Variants in SOX5 observed in about 807,000 individuals in gnomAD.
The protein encoded by SOX5 is SRY-box transcription factor 5, also known as transcription factor SOX-5.
Under a neutral mutation model 92.0 loss-of-function variants are expected in SOX5, and 9 were observed. The observed-to-expected ratio is 0.10, with a 90% CI of 0.06 to 0.17. The LOEUF (loss-of-function observed/expected upper bound fraction) is 0.17, where lower values mean the gene tolerates loss of function less well. SOX5 is among the 10% of genes least tolerant of loss of function. The pLI is 1.00. For synonymous variants in SOX5, 344 were observed against 336.3 expected, an observed-to-expected ratio of 1.02 and a Z score of -0.25; for missense variants, 642 against 944.5, an observed-to-expected ratio of 0.68 and a Z score of 4.20.
chr12:24,365,658 T>G (rs971597983), intron 2 of SOX5, among the ~76,000 whole-genome samples: 5 of 112,568 alleles, frequency 4.4e-5, no homozygotes, highest in African/African-American at 1.4e-4. Flanking sequence ...TGATTTTCTT[T>G]ACAAATTAAT....
intron 1 of SOX5, among the ~76,000 whole-genome samples, chr12:24,541,921 G>A (rs969915619): frequency 9.2e-5 from 14 of 152,240 alleles, no homozygotes; most frequent in African/African-American, 2.9e-4. Context: ...AGCAGGCCAC[G>A]AAAAACAGTA....
At chr12:24,224,131 A>C (rs1961274417) in intron 3 of SOX5, among the ~76,000 whole-genome samples, 1 of 152,202 alleles carries the variant, frequency 6.6e-6, no homozygotes, top group Non-Finnish European at 1.5e-5. Context: ...AGCCAGCAGT[A>C]CTATTAGATT....
At chr12:24,008,284 T>C (rs1012615427) in intron 4 of SOX5, among the ~76,000 whole-genome samples, 1 of 152,170 alleles carries the variant, frequency 6.6e-6, no homozygotes, top group Admixed American at 6.6e-5. Flanking sequence ...TAGTATCAAT[T>C]ATTATCACTG....
intron 4 of SOX5, among the ~76,000 whole-genome samples, chr12:24,025,646 T>G (rs1331025846): frequency 6.6e-6 from 1 of 151,922 alleles, no homozygotes; most frequent in East Asian, 1.9e-4. Context: ...AGTAAAACAT[T>G]TACCTCAAAT....
intron 6 of SOX5, among the ~76,000 whole-genome samples, chr12:23,709,507 T>A (rs756276693): frequency 2.6e-5 from 4 of 152,142 alleles, no homozygotes; most frequent in Non-Finnish European, 4.4e-5. Context: ...CAAAGGGCAA[T>A]ATTCTCACAA....
intron 1 of SOX5, among the ~76,000 whole-genome samples, chr12:24,514,696 A>G (rs551603575): frequency 6.6e-6 from 1 of 152,340 alleles, no homozygotes; most frequent in South Asian, 2.1e-4. Context: ...AATGTGGTAC[A>G]TATACACCTT....
Position 24,428,143 on chromosome 12 carries a change from T to C in SOX5, c.-250-59504A>G, listed in dbSNP as rs12301407. Among the ~76,000 whole-genome samples, 701 of 151,474 alleles carry C rather than the reference T, an allele frequency of 4.6e-3. 5 individuals carry two copies. The highest frequency in any genetic ancestry group is 0.016 in the African/African-American group (673 of 41,232). Reference sequence around the variant, plus strand: ...TTATTGTAAGTCTCCATATTCTACATCTTAACACAAATTCACTGTTAACTT... The same window carrying C: ...TTATTGTAAGTCTCCATATTCTACACCTTAACACAAATTCACTGTTAACTT... On this transcript the variant is annotated intron_variant, in intron 1 of 4. Transcript: ENST00000446891.
At chr12:24,373,852 C>G (rs769743300) in intron 1 of SOX5, among the ~76,000 whole-genome samples, 1 of 152,168 alleles carries the variant, frequency 6.6e-6, no homozygotes, top group Non-Finnish European at 1.5e-5. Flanking sequence ...CTTGCTGTCC[C>G]TAGATTAATG....
chr12:23,608,960 T>A (rs144927397), intron 8 of SOX5, among the ~76,000 whole-genome samples: 131 of 152,244 alleles, frequency 8.6e-4, no homozygotes, highest in African/African-American at 3.0e-3. Context: ...CAGAAAACAA[T>A]GAGACTATAA....
At chr12:24,249,885 C>CT (rs919197069) in intron 3 of SOX5, among the ~76,000 whole-genome samples, 10 of 152,026 alleles carry the variant, frequency 6.6e-5, no homozygotes, top group African/African-American at 2.2e-4. Context: ...GGCACTAGTG[C>CT]TTTTTTTTCC....
At chr12:24,002,751 G>C (rs1298816065) in intron 4 of SOX5, among the ~76,000 whole-genome samples, 1 of 152,020 alleles carries the variant, frequency 6.6e-6, no homozygotes, top group Non-Finnish European at 1.5e-5. Context: ...ATCATTTAGA[G>C]AGGAAACAGT....
chr12:23,560,477 T>C (rs1202558927), intron 11 of SOX5, among the ~76,000 whole-genome samples: 2 of 152,212 alleles, frequency 1.3e-5, no homozygotes, highest in African/African-American at 4.8e-5. Flanking sequence ...AAAACATATC[T>C]ACCTTTGTCA....
chr12:23,949,435 T>C (rs755513763), intron 1 of SOX5, 129 bp downstream of exon 1: 37 of 1,108,770 alleles, frequency 3.3e-5, no homozygotes, highest in African/African-American at 7.8e-5. Flanking sequence ...GCTAACAAGA[T>C]TGCAGAAGCC....
At chr12:23,679,823 A>G (rs894459132) in intron 6 of SOX5, among the ~76,000 whole-genome samples, 1 of 152,212 alleles carries the variant, frequency 6.6e-6, no homozygotes, top group Non-Finnish European at 1.5e-5. Context: ...GGAATGATTC[A>G]GCTTGTGTAA....
In SOX5 at chr12:24,412,815, C is replaced by T. The variant is rs527801796; in HGVS notation, c.-250-44176G>A. Among the ~76,000 whole-genome samples the T allele has an allele frequency of 1.4e-4, 18 of 129,376 alleles. 1 individual carries two copies. The South Asian group carries it at 3.8e-3, about 27-fold the overall frequency. The allele number at this position is 129,376 out of a possible 152,430, so 84.9% of individuals were successfully genotyped here. A position where few individuals can be genotyped will look rare whatever the true frequency, so the allele number is the denominator to read the frequency against. On this transcript the variant is annotated intron_variant, in intron 1 of 4. Coordinates refer to the SOX5 transcript ENST00000446891. ...TTTTTTTTGAGAGGGAGTGCAGTGG[C>T]GCAATCTCGGCTCACTGCGAGCTCC...
intron 1 of SOX5, among the ~76,000 whole-genome samples, chr12:23,898,538 T>C (rs2097200132): frequency 6.6e-6 from 1 of 152,218 alleles, no homozygotes; most frequent in Non-Finnish European, 1.5e-5. Flanking sequence ...ACATCAATTA[T>C]GAAAACTGAA....
intron 6 of SOX5, among the ~76,000 whole-genome samples, chr12:23,714,942 A>G (rs1194690955): frequency 1.3e-5 from 2 of 152,204 alleles, no homozygotes; most frequent in Non-Finnish European, 2.9e-5. Flanking sequence ...GAAGAAATCT[A>G]TATTAATTTT....
chr12:23,656,400 T>C (rs1482371313), intron 7 of SOX5, among the ~76,000 whole-genome samples: 2 of 151,972 alleles, frequency 1.3e-5, no homozygotes, highest in Non-Finnish European at 2.9e-5. Context: ...ATACTAGAAA[T>C]GGAACTGGTT....
At chr12:24,394,903 T>A (rs2136540303) in intron 1 of SOX5, among the ~76,000 whole-genome samples, 1 of 152,322 alleles carries the variant, frequency 6.6e-6, no homozygotes, top group South Asian at 2.1e-4. Context: ...TTTTATTTTT[T>A]TCAAATTACG....
Sources: allele counts gnomAD v4.1 joint callset (sites outside exome capture counted in the v4.1 genomes callset), GRCh38; gene constraint gnomAD v4.1.1; transcripts MANE v1.5; gene names NCBI Gene and HGNC (gene_info 2026-07-23, HGNC 2026-07-21).